CRB1: variants seen among roughly 807,000 people sequenced by gnomAD.
The protein encoded by CRB1 is crumbs cell polarity complex component 1.
Under a neutral mutation model 120.0 loss-of-function variants are expected in CRB1, and 83 were observed. The observed-to-expected ratio is 0.69, with a 90% CI of 0.58 to 0.83. CRB1 has a LOEUF of 0.83. Among genes scored for constraint, CRB1 ranks in the 40% least tolerant of loss-of-function variants. The pLI is 0.00. For missense variants in CRB1, 1,699 were observed against 1,687.6 expected (o/e 1.01, Z -0.12); for synonymous variants, 625 against 612.5 (o/e 1.02, Z -0.30).
At chr1:197,296,592 G>C (rs1014490278) in intron 1 of CRB1, among the ~76,000 whole-genome samples, 7 of 152,004 alleles carry the variant, frequency 4.6e-5, no homozygotes, top group Admixed American at 3.9e-4. Flanking sequence ...CCATTTATCC[G>C]ATATTGGAAC....
chr1:197,401,890 C>A (rs1002622932), intron 5 of CRB1, among the ~76,000 whole-genome samples: 1 of 151,640 alleles, frequency 6.6e-6, no homozygotes, highest in South Asian at 2.1e-4. Context: ...AACTTTAATT[C>A]TATTATTTTG....
intron 5 of CRB1, among the ~76,000 whole-genome samples, chr1:197,388,063 T>C (rs193211520): frequency 6.6e-6 from 1 of 152,016 alleles, no homozygotes; most frequent in Non-Finnish European, 1.5e-5. Context: ...ATAAACATCA[T>C]TTTAATGTCT....
chr1:197,442,547 C>T, intron 11 of CRB1: 1 of 1,435,896 alleles, frequency 7.0e-7, no homozygotes, highest in South Asian at 1.5e-5. Flanking sequence ...AAATTCAAGG[C>T]TTATTTTAAA....
intron 1 of CRB1, among the ~76,000 whole-genome samples, chr1:197,282,910 A>C (rs1655606968): frequency 6.6e-6 from 1 of 151,732 alleles, no homozygotes; most frequent in Non-Finnish European, 1.5e-5. Context: ...GGGTTCCCAA[A>C]TTTTGTTTAT....
At chr1:197,286,483 C>A (rs1655834519) in intron 1 of CRB1, among the ~76,000 whole-genome samples, 2 of 151,842 alleles carry the variant, frequency 1.3e-5, no homozygotes, top group South Asian at 4.1e-4. Flanking sequence ...TAACCATAGA[C>A]CTTAGAAAAC....
At chr1:197,380,899 G>A (rs550236511) in intron 5 of CRB1, among the ~76,000 whole-genome samples, 3 of 152,272 alleles carry the variant, frequency 2.0e-5, no homozygotes, top group South Asian at 2.1e-4. Context: ...TGTGTCTGGC[G>A]CATCTCTCGT....
intron 5 of CRB1, among the ~76,000 whole-genome samples, chr1:197,361,972 T>A (rs1418707459): frequency 6.6e-6 from 1 of 152,034 alleles, no homozygotes; most frequent in Non-Finnish European, 1.5e-5. Context: ...TATATAAGCA[T>A]TATAAATTTA....
rs780792667 is a variant in CRB1, at chr1:197,347,380, C to T, written c.889C>T (p.His297Tyr). The T allele has an allele frequency of 6.2e-7, 1 of 1,613,954 alleles. No homozygotes were observed. The highest frequency in any genetic ancestry group is 1.1e-5 in the South Asian group (1 of 91,074). The change falls in exon 4 of 12, where the codon CAC (histidine) becomes TAC (tyrosine). Residue 297 changes from histidine to tyrosine, a missense_variant. Transcript: ENST00000367400. ...CACGGGTAGTGGATTCACAGGGACA[C>T]ACTGTGAGACCTTGATGCCTCTTTG... ...NCTGSGFTGT[H>Y]CETLMPLCWS...
chr1:197,227,880 G>A, the CRB1 span, among the ~76,000 whole-genome samples: 4 of 152,156 alleles, frequency 2.6e-5, no homozygotes, highest in East Asian at 1.9e-4. Context: ...AAATCTAGAC[G>A]GAGGTTCCCA....
chr1:197,475,418 T>C (rs1462744525), intron 11 of CRB1, among the ~76,000 whole-genome samples: 1 of 152,128 alleles, frequency 6.6e-6, no homozygotes, highest in African/African-American at 2.4e-5. Flanking sequence ...TGACATGGGG[T>C]GATGCTGAAT....
chr1:197,310,257 C>G, intron 1 of CRB1, among the ~76,000 whole-genome samples: 1 of 152,140 alleles, frequency 6.6e-6, no homozygotes, highest in East Asian at 1.9e-4. Flanking sequence ...GAATGAGAAG[C>G]CTCACTGGGT....
At chr1:197,317,349 C>T (rs965737046) in intron 1 of CRB1, among the ~76,000 whole-genome samples, 16 of 152,014 alleles carry the variant, frequency 1.1e-4, no homozygotes, top group Admixed American at 3.9e-4. Flanking sequence ...ACTCGGGAAG[C>T]GGAGGTTGCA....
intron 1 of CRB1, among the ~76,000 whole-genome samples, chr1:197,281,234 A>G (rs1305011647): frequency 6.6e-6 from 1 of 151,874 alleles, no homozygotes; most frequent in Non-Finnish European, 1.5e-5. Context: ...AAAATGAAGC[A>G]GTGGGGAGCG....
intron 5 of CRB1, among the ~76,000 whole-genome samples, chr1:197,415,555 G>A (rs979235285): frequency 6.6e-6 from 1 of 150,884 alleles, no homozygotes; most frequent in Non-Finnish European, 1.5e-5. Flanking sequence ...CTTTCCCATC[G>A]ATGAGTGTTT....
intron 5 of CRB1, chr1:197,364,012 A>G (rs779187878): frequency 1.7e-4 from 234 of 1,387,392 alleles, no homozygotes; most frequent in Non-Finnish European, 1.3e-4. Context: ...GATCTACAGT[A>G]TGGAAATGGC....
chr1:197,345,502 CTTTTTTTTT>C (rs972072957), intron 3 of CRB1, among the ~76,000 whole-genome samples: 1 of 90,594 alleles, frequency 1.1e-5, no homozygotes, highest in Non-Finnish European at 2.1e-5. Context: ...AAAATAATGA[CTTTTTTTTT>C]TTTTTTTTTT....
intron 11 of CRB1, among the ~76,000 whole-genome samples, chr1:197,454,281 CTTAA>C (rs963264789): frequency 3.3e-4 from 37 of 110,692 alleles, no homozygotes; most frequent in Non-Finnish European, 6.7e-4. Context: ...AAGTTACTTA[CTTAA>C]GACAGAATTT....
chr1:197,334,414 G>A (rs1314091780), intron 2 of CRB1, among the ~76,000 whole-genome samples: 1 of 152,150 alleles, frequency 6.6e-6, no homozygotes, highest in Non-Finnish European at 1.5e-5. Context: ...TGGGAGGTGG[G>A]AACTAAGAGG....
At chr1:197,420,348 G>GA (rs914296880) in intron 5 of CRB1, among the ~76,000 whole-genome samples, 2 of 150,618 alleles carry the variant, frequency 1.3e-5, no homozygotes, top group African/African-American at 2.4e-5. Flanking sequence ...CTTGGAATCA[G>GA]AAAAAAAAAG....
Sources: gnomAD v4.1 joint callset for allele counts (sites outside exome capture counted in the v4.1 genomes callset) on GRCh38, gnomAD v4.1.1 for gene constraint, MANE v1.5 for transcripts, NCBI Gene and HGNC (gene_info 2026-07-23, HGNC 2026-07-21) for gene names.